The following EPB41 variants were observed in gnomAD, a reference collection of about 807,000 sequenced individuals.
EPB41 encodes the protein protein 4.1.
Under a neutral mutation model 108.0 loss-of-function variants are expected in EPB41, and 65 were observed. That is an observed-to-expected ratio of 0.60 (90% confidence interval 0.49 to 0.74). The LOEUF (loss-of-function observed/expected upper bound fraction) is 0.74, where lower values mean the gene tolerates loss of function less well. Among genes scored for constraint, EPB41 ranks in the 30% least tolerant of loss-of-function variants. The probability of loss-of-function intolerance (pLI) is 0.00; values close to 1 mark genes in which losing one functional copy is unlikely to be tolerated. For synonymous variants in EPB41, 336 were observed against 358.9 expected (o/e 0.94, Z 0.72); for missense variants, 875 against 1,037.0 (o/e 0.84, Z 2.15).
At chr1:29,050,952 G>A (rs1644380095) in intron 11 of EPB41, among the ~76,000 whole-genome samples, 1 of 152,058 alleles carries the variant, frequency 6.6e-6, no homozygotes, top group Admixed American at 6.5e-5. Context: ...TGGGATTATA[G>A]GCGTGAGCCA....
chr1:29,040,954 G>A (rs1641263012), intron 11 of EPB41, among the ~76,000 whole-genome samples: 1 of 151,884 alleles, frequency 6.6e-6, no homozygotes, highest in Non-Finnish European at 1.5e-5. Flanking sequence ...TGGCTGACAT[G>A]GTGAAACCCT....
chr1:29,010,761 T>G (rs1372445334), intron 4 of EPB41, among the ~76,000 whole-genome samples: 2 of 152,178 alleles, frequency 1.3e-5, no homozygotes, highest in Non-Finnish European at 2.9e-5. Context: ...AAACAAAATA[T>G]TTATTCATTC....
intron 15 of EPB41, 29 bp from the exon 16 acceptor site, chr1:29,064,953 G>A: frequency 1.2e-6 from 2 of 1,613,252 alleles, no homozygotes; most frequent in Non-Finnish European, 1.7e-6. Context: ...ATTGTGTATT[G>A]TTTTGCATCT....
At chr1:28,983,851 TGCCAGTGAGGTC>T (rs1467402410) in intron 1 of EPB41, among the ~76,000 whole-genome samples, 1 of 152,156 alleles carries the variant, frequency 6.6e-6, no homozygotes, top group Admixed American at 6.5e-5. Context: ...TGCTGCCCTC[TGCCAGTGAGGTC>T]AGAGGGCCAG....
At chr1:29,098,129 G>A (rs1026096158) in intron 17 of EPB41, among the ~76,000 whole-genome samples, 194 bp downstream of exon 17, 1 of 152,218 alleles carries the variant, frequency 6.6e-6, no homozygotes, top group Non-Finnish European at 1.5e-5. Flanking sequence ...GCACACTGGT[G>A]TATGCCTGTA....
At chr1:28,942,796 A>G (rs951132398) in intron 1 of EPB41, among the ~76,000 whole-genome samples, 8 of 152,176 alleles carry the variant, frequency 5.3e-5, no homozygotes, top group Non-Finnish European at 7.3e-5. Flanking sequence ...TCCCCTGGCA[A>G]CCAGCCCCCA....
chr1:29,039,301 G>T lies in EPB41; in HGVS notation c.1511G>T (p.Gly504Val). Residue 504 changes from glycine (G) to valine (V), a missense_variant, in exon 11 of 21, where the codon GGA (glycine) becomes GTA (valine). Physicochemically the swap from Gly to Val is moderately radical, Grantham distance 109 (BLOSUM62 -3). Around this residue, in one of 3 missense-constraint regions of EPB41, gnomAD observed 519 missense variants for 627.3 expected, o/e 0.83. Transcript: ENST00000343067. ...CCCAAAAGCAAATTTCTTGCGCTAGGATCCAAATTTCGATACAGTGGCCGG... is the reference window on the plus strand; with the variant it reads ...CCCAAAAGCAAATTTCTTGCGCTAGTATCCAAATTTCGATACAGTGGCCGG... Reference protein sequence around the residue: ...TIPKSKFLALGSKFRYSGRTQ... With the variant: ...TIPKSKFLALVSKFRYSGRTQ... The T allele has an allele frequency of 6.2e-7, 1 of 1,614,086 alleles. No individual in the cohort carries two copies. The highest frequency in any genetic ancestry group is 1.1e-5 in the South Asian group (1 of 91,078).
intron 1 of EPB41, among the ~76,000 whole-genome samples, chr1:28,943,614 A>C (rs1255212620): frequency 6.6e-6 from 1 of 151,818 alleles, no homozygotes; most frequent in East Asian, 1.9e-4. Flanking sequence ...GTGCCACTGC[A>C]CTCCAGCCTG....
At chr1:29,014,579 T>A (rs1224977018) in intron 5 of EPB41, among the ~76,000 whole-genome samples, 1 of 151,818 alleles carries the variant, frequency 6.6e-6, no homozygotes, top group African/African-American at 2.4e-5. Context: ...GTATATATAT[T>A]TTTAGAGATG....
chr1:29,097,705 G>A, intron 16 of EPB41, 102 bp from the exon 17 acceptor site: 1 of 1,387,622 alleles, frequency 7.2e-7, no homozygotes, highest in Non-Finnish European at 1.0e-6. Flanking sequence ...AGCTAGCTCT[G>A]TACTTAATTA....
intron 2 of EPB41, among the ~76,000 whole-genome samples, chr1:28,988,239 A>C (rs558614515): frequency 6.6e-6 from 1 of 152,344 alleles, no homozygotes; most frequent in Admixed American, 6.5e-5. Context: ...CAGCCTAGGC[A>C]ACAAGGATGA....
intron 1 of EPB41, among the ~76,000 whole-genome samples, chr1:28,899,461 T>C (rs1052351179): frequency 3.3e-5 from 5 of 152,198 alleles, no homozygotes; most frequent in South Asian, 2.1e-4. Flanking sequence ...TGGGACATTC[T>C]AGCCCCACCC....
intron 16 of EPB41, among the ~76,000 whole-genome samples, chr1:29,075,615 C>G (rs896823749): frequency 6.6e-6 from 1 of 152,302 alleles, no homozygotes; most frequent in Middle Eastern, 3.4e-3. Flanking sequence ...ACTATCTTTT[C>G]TTGTCTCAAA....
chr1:29,046,721 C>T (rs943785050), intron 11 of EPB41, among the ~76,000 whole-genome samples: 1 of 152,118 alleles, frequency 6.6e-6, no homozygotes, highest in Admixed American at 6.5e-5. Context: ...TAGTTTCCTA[C>T]ACATTTTAAT....
At chr1:28,891,094 G>A (rs1255185679) in intron 1 of EPB41, 3 of 623,486 alleles carry the variant, frequency 4.8e-6, no homozygotes, top group Admixed American at 6.3e-5. Flanking sequence ...GCAGCCCCAC[G>A]CAGCTACTGC....
intron 1 of EPB41, chr1:28,890,920 C>T (rs903785303): frequency 4.6e-5 from 45 of 985,326 alleles, no homozygotes; most frequent in Admixed American, 6.1e-5. Context: ...ACTGTTTGAC[C>T]CCTGCTGGAG....
Position 28,914,654 on chromosome 1 carries a change from C to G in EPB41, c.-122C>G, listed in dbSNP as rs1237432300. The G allele has an allele frequency of 6.6e-6, 1 of 151,766 alleles. No homozygotes were observed. The highest frequency in any genetic ancestry group is 2.4e-5 in the African/African-American group (1 of 41,396). 9.4% of individuals were successfully genotyped at this position (151,766 alleles called of 1,614,324 possible). On this transcript the variant is annotated 5_prime_UTR_variant, in exon 1 of 21. Transcript: ENST00000343067. The stretch of plus-strand genomic sequence containing the variant: ...CGTTTAGTCAGTCAGCCAGCAGCAG[C>G]CGGCGGGCCCGCGAGCCGCAGAGGG...
chr1:29,097,297 C>G (rs1371728566), intron 16 of EPB41: 3 of 165,242 alleles, frequency 1.8e-5, no homozygotes, highest in African/African-American at 7.2e-5. Flanking sequence ...TTTCCAAATA[C>G]TGTCTCTTCT....
At chr1:28,930,425 C>A (rs544167407) in intron 1 of EPB41, among the ~76,000 whole-genome samples, 2 of 151,802 alleles carry the variant, frequency 1.3e-5, no homozygotes. Flanking sequence ...TCCTCAGCCT[C>A]CCAAAGTGCT....
Sources: gnomAD v4.1 joint callset for allele counts (sites outside exome capture counted in the v4.1 genomes callset) on GRCh38, gnomAD v4.1.1 for gene constraint, gnomAD v4.1.1 regional missense constraint, MANE v1.5 for transcripts, NCBI Gene and HGNC (gene_info 2026-07-23, HGNC 2026-07-21) for gene names.